Variants in SNTG1 observed in about 807,000 individuals in gnomAD.
SNTG1 encodes gamma-1-syntrophin.
In SNTG1, 39 loss-of-function variants were observed where a neutral mutation model predicts 74.7. That is an observed-to-expected ratio of 0.52 (90% CI 0.40 to 0.68). The LOEUF (loss-of-function observed/expected upper bound fraction) is 0.68, where lower values mean the gene tolerates loss of function less well. SNTG1 is among the 30% of genes least tolerant of loss of function. SNTG1 has a pLI of 0.00. For synonymous variants in SNTG1, 254 were observed against 217.1 expected (o/e 1.17, Z -1.49); for missense variants, 685 against 609.5 (o/e 1.12, Z -1.30).
chr8:50,774,142 G>A (rs764083629), intron 18 of SNTG1, among the ~76,000 whole-genome samples: 1 of 151,938 alleles, frequency 6.6e-6, no homozygotes, highest in East Asian at 1.9e-4. Flanking sequence ...AACAGCATAA[G>A]TTATACTGTC....
intron 9 of SNTG1, among the ~76,000 whole-genome samples, chr8:50,506,993 T>C (rs990508493): frequency 6.6e-6 from 1 of 152,112 alleles, no homozygotes; most frequent in Non-Finnish European, 1.5e-5. Flanking sequence ...TTTCCTTCTA[T>C]TCCTAGTTTG....
At chr8:50,140,397 A>C (rs532896374) in intron 1 of SNTG1, among the ~76,000 whole-genome samples, 22 of 152,208 alleles carry the variant, frequency 1.4e-4, no homozygotes, top group African/African-American at 5.1e-4. Flanking sequence ...TTCATCTTGA[A>C]CATGTGTGTG....
chr8:50,535,413 A>G (rs1410529151), intron 10 of SNTG1, among the ~76,000 whole-genome samples: 3 of 152,298 alleles, frequency 2.0e-5, no homozygotes. Context: ...CATGCCGATC[A>G]TCCATAACAT....
At chr8:50,002,024 C>A (rs181120870) in intron 1 of SNTG1, among the ~76,000 whole-genome samples, 1 of 152,050 alleles carries the variant, frequency 6.6e-6, no homozygotes. Flanking sequence ...TGTTTCTGAG[C>A]GGCACTTCAC....
intron 1 of SNTG1, among the ~76,000 whole-genome samples, chr8:50,048,155 TAAAC>T (rs963418747): frequency 6.6e-6 from 1 of 152,150 alleles, no homozygotes; most frequent in African/African-American, 2.4e-5. Context: ...TAACTTCCTT[TAAAC>T]AATCAGGCAA....
intron 2 of SNTG1, among the ~76,000 whole-genome samples, chr8:50,192,073 G>T (rs1027589634): frequency 6.6e-6 from 1 of 152,114 alleles, no homozygotes; most frequent in Non-Finnish European, 1.5e-5. Flanking sequence ...GAAGGCTTCC[G>T]TGTGGCCTGA....
intron 2 of SNTG1, among the ~76,000 whole-genome samples, chr8:50,302,419 T>C (rs1251531939): frequency 6.6e-6 from 1 of 151,228 alleles, no homozygotes; most frequent in South Asian, 2.1e-4. Context: ...TGGTTAAAGG[T>C]TTTTTTTTCA....
At chr8:50,567,465 T>C (rs1416455300) in intron 12 of SNTG1, among the ~76,000 whole-genome samples, 2 of 152,144 alleles carry the variant, frequency 1.3e-5, no homozygotes, top group African/African-American at 2.4e-5. Flanking sequence ...CTTTGAAACA[T>C]ATGTGTATGT....
At chr8:49,999,492 T>A (rs1187927287) in intron 1 of SNTG1, among the ~76,000 whole-genome samples, 1 of 152,184 alleles carries the variant, frequency 6.6e-6, no homozygotes, top group Non-Finnish European at 1.5e-5. Flanking sequence ...TCAAGTCTGA[T>A]TAGTATCTCT....
At chr8:50,565,696 C>G (rs1438774189) in intron 12 of SNTG1, among the ~76,000 whole-genome samples, 1 of 151,818 alleles carries the variant, frequency 6.6e-6, no homozygotes, top group Admixed American at 6.6e-5. Flanking sequence ...CTTCGTGGAG[C>G]CAAGAGTCTA....
chr8:50,681,725 A>G (rs879871203), intron 15 of SNTG1, among the ~76,000 whole-genome samples: 2 of 152,222 alleles, frequency 1.3e-5, no homozygotes, highest in Non-Finnish European at 1.5e-5. Flanking sequence ...AGGAATTCCC[A>G]ACCTATTTCC....
rs538309300 is a variant in SNTG1 at position 50,536,830 on chromosome 8, A to T, written c.680+22A>T. The T allele has an allele frequency of 1.1e-5, 17 of 1,611,472 alleles. No homozygotes were observed. In the African/African-American group the frequency reaches 2.1e-4, roughly 20 times the overall value. Reference sequence around the variant, plus strand: ...GTCGGTGAGTCCGTGTTTAGGAGTTATGACTGTTTTGTTTATGAAAAAAGA... The same window carrying T: ...GTCGGTGAGTCCGTGTTTAGGAGTTTTGACTGTTTTGTTTATGAAAAAAGA... On this transcript the variant is annotated intron_variant, in intron 11 of 18. Transcript: ENST00000642720.
At chr8:50,103,742 C>A (rs1239005069) in intron 1 of SNTG1, among the ~76,000 whole-genome samples, 1 of 152,090 alleles carries the variant, frequency 6.6e-6, no homozygotes, top group East Asian at 1.9e-4. Context: ...CCCATCAATA[C>A]CTAATTTATT....
At chr8:50,243,714 T>C (rs894495107) in intron 2 of SNTG1, among the ~76,000 whole-genome samples, 1 of 152,020 alleles carries the variant, frequency 6.6e-6, no homozygotes, top group African/African-American at 2.4e-5. Flanking sequence ...TCCATGGACA[T>C]ACACACAGAT....
At chr8:50,452,096 G>T (rs1446399238) in intron 8 of SNTG1, among the ~76,000 whole-genome samples, 2 of 152,164 alleles carry the variant, frequency 1.3e-5, no homozygotes, top group African/African-American at 4.8e-5. Flanking sequence ...AAAAGCCACG[G>T]CTGCACAAGA....
chr8:50,259,210 A>G (rs896682996), intron 2 of SNTG1, among the ~76,000 whole-genome samples: 13 of 152,154 alleles, frequency 8.5e-5, no homozygotes, highest in African/African-American at 3.1e-4. Flanking sequence ...CAAACATTAA[A>G]GGAGAAAATC....
chr8:50,593,537 G>GAA (rs1033338882), intron 13 of SNTG1, among the ~76,000 whole-genome samples: 1 of 149,064 alleles, frequency 6.7e-6, no homozygotes, highest in African/African-American at 2.4e-5. Flanking sequence ...GTTCAAAAAT[G>GAA]AAAAAAAAAC....
chr8:50,444,473 A>G (rs1416114876), intron 5 of SNTG1, among the ~76,000 whole-genome samples: 2 of 152,176 alleles, frequency 1.3e-5, no homozygotes, highest in East Asian at 3.9e-4. Flanking sequence ...GATAACAGGG[A>G]CAGGCACAGG....
chr8:50,772,950 C>G (rs928328207), intron 18 of SNTG1, among the ~76,000 whole-genome samples: 2 of 152,116 alleles, frequency 1.3e-5, no homozygotes, highest in African/African-American at 4.8e-5. Context: ...CTTTCCCTTT[C>G]TGCCATGAGG....
Sources: gnomAD v4.1 joint callset for allele counts (sites outside exome capture counted in the v4.1 genomes callset) on GRCh38, gnomAD v4.1.1 for gene constraint, MANE v1.5 for transcripts, NCBI Gene and HGNC (gene_info 2026-07-23, HGNC 2026-07-21) for gene names.